Variants in PTPN11 observed in about 807,000 individuals in gnomAD.
The protein encoded by PTPN11 is protein tyrosine phosphatase non-receptor type 11, also known as tyrosine-protein phosphatase non-receptor type 11.
PTPN11 carries 6 observed loss-of-function variants against 78.8 expected under a neutral mutation model. That is an observed-to-expected ratio of 0.08 (90% confidence interval 0.04 to 0.15). The LOEUF is 0.15. PTPN11 is among the 10% of genes least tolerant of loss of function. The pLI is 1.00. For missense variants in PTPN11, 386 were observed against 744.8 expected, an observed-to-expected ratio of 0.52 and a Z score of 5.61; for synonymous variants, 221 against 263.5, an observed-to-expected ratio of 0.84 and a Z score of 1.56.
intron 1 of PTPN11, among the ~76,000 whole-genome samples, chr12:112,420,280 A>G (rs1019182355): frequency 2.0e-5 from 3 of 152,112 alleles, no homozygotes; most frequent in East Asian, 1.9e-4. Flanking sequence ...AATTATGGTC[A>G]CTGTCTCAGA....
At chr12:112,477,544 A>G (rs1373699713) in intron 7 of PTPN11, 107 bp from the exon 8 acceptor site, 7 of 868,714 alleles carry the variant, frequency 8.1e-6, no homozygotes, top group African/African-American at 1.7e-5. Flanking sequence ...TTTTTTTTCA[A>G]TCATTGAATG....
At chr12:112,488,986 G>A (rs186280715) in intron 12 of PTPN11, 38 bp from the exon 13 acceptor site, 50 of 1,611,500 alleles carry the variant, frequency 3.1e-5, no homozygotes, top group Non-Finnish European at 4.0e-5. Flanking sequence ...TCCTGGCTCT[G>A]CAGTTTCTCT....
rs373296186 is a variant in PTPN11, at chr12:112,454,514, A to T, written c.526-50A>T. On this transcript the variant is annotated intron_variant, in intron 4 of 15. Transcript: ENST00000351677. Reference sequence around the variant, plus strand: ...AACATGAGAGTGCTTGAAAACACTAATGTAACATAAAGGTAACAAATAATA... The same window carrying T: ...AACATGAGAGTGCTTGAAAACACTATTGTAACATAAAGGTAACAAATAATA... 1.8e-5 allele frequency: 24 copies of T among 1,364,132 alleles called. No individual in the cohort carries two copies. In the African/African-American group the frequency reaches 2.4e-4, roughly 14 times the overall value. 84.5% of individuals were successfully genotyped at this position (1,364,132 alleles called of 1,614,324 possible). A position where few individuals can be genotyped will look rare whatever the true frequency, so the allele number is the denominator to read the frequency against.
In PTPN11 at chr12:112,504,669, T is replaced by A; in HGVS notation, c.1713-26T>A. 1 of 1,516,532 alleles carries A rather than the reference T, an allele frequency of 6.6e-7. No individual in the cohort carries two copies. Among genetic ancestry groups the A allele is most frequent in the Non-Finnish European group, 9.1e-7 (1 of 1,094,460 alleles). 93.9% of individuals were successfully genotyped at this position (1,516,532 alleles called of 1,614,324 possible). On this transcript the variant is annotated intron_variant, in intron 14 of 15. Coordinates refer to ENST00000351677, the MANE Select transcript of PTPN11 (RefSeq NM_002834.5). This position sits in a 1 kb window ranked among gnomAD's most constrained non-coding sequence, Gnocchi z 4.7. ...ACAGCGTGGTCTACATTTTTGTAAA[T>A]GTCTTTCTTTTTCTTTTCTCTCCAG...
intron 1 of PTPN11, among the ~76,000 whole-genome samples, chr12:112,436,946 T>A (rs1486141200): frequency 1.3e-5 from 2 of 152,062 alleles, no homozygotes; most frequent in African/African-American, 4.8e-5. Context: ...TGGTAATAAA[T>A]TTTACCATTT....
At chr12:112,496,465 G>C (rs1344131121) in intron 13 of PTPN11, among the ~76,000 whole-genome samples, 1 of 152,114 alleles carries the variant, frequency 6.6e-6, no homozygotes, top group Non-Finnish European at 1.5e-5. Context: ...CCTCTCAGCA[G>C]ATAGAGCTAG....
chr12:112,474,958 C>T (rs990496446), intron 7 of PTPN11, among the ~76,000 whole-genome samples: 6 of 152,046 alleles, frequency 3.9e-5, no homozygotes, highest in Non-Finnish European at 7.4e-5. Flanking sequence ...CAAATGCCAC[C>T]AGGCAAAGCC....
intron 1 of PTPN11, among the ~76,000 whole-genome samples, chr12:112,421,990 A>C (rs1424056701): frequency 6.6e-6 from 1 of 152,190 alleles, no homozygotes; most frequent in African/African-American, 2.4e-5. Context: ...AGGCAGGATA[A>C]AGCAGTAAGA....
chr12:112,490,410 G>T (rs1018818798), intron 13 of PTPN11, among the ~76,000 whole-genome samples: 7 of 150,580 alleles, frequency 4.6e-5, no homozygotes, highest in Admixed American at 4.0e-4. Context: ...AGGCTTAAGC[G>T]ATCCTCCCAC....
chr12:112,455,871 G>GTTTT (rs140552217), intron 5 of PTPN11, 79 bp from the exon 6 acceptor site: 17 of 682,232 alleles, frequency 2.5e-5, no homozygotes, highest in African/African-American at 6.5e-5. Flanking sequence ...ACATAGACAT[G>GTTTT]TTTTTTTTTT....
chr12:112,502,364 G>A lies in PTPN11; in HGVS notation c.1712+108G>A, dbSNP rs572828559. The stretch of plus-strand genomic sequence containing the variant: ...AAGTTTGTAGCACATGCCTTTCACT[G>A]GTGCACGTTCCTGTTGCCCTACTGT... On this transcript the variant is annotated intron_variant, in intron 14 of 15. Transcript: ENST00000351677. 8.0e-6 allele frequency: 7 copies of A among 870,594 alleles called. No individual in the cohort carries two copies. In the African/African-American group the frequency reaches 9.9e-5, roughly 12 times the overall value. The allele number at this position is 870,594 out of a possible 1,614,324, so 53.9% of individuals were successfully genotyped here. A position where few individuals can be genotyped will look rare whatever the true frequency, so the allele number is the denominator to read the frequency against.
chr12:112,496,552 ATATT>A (rs375131465), intron 13 of PTPN11, among the ~76,000 whole-genome samples: 155 of 152,270 alleles, frequency 1.0e-3, no homozygotes, highest in African/African-American at 3.5e-3. Context: ...ATCTATATAT[ATATT>A]AAGCTAAACA....
At chr12:112,435,925 C>T (rs1020589245) in intron 1 of PTPN11, among the ~76,000 whole-genome samples, 1 of 152,102 alleles carries the variant, frequency 6.6e-6, no homozygotes, top group Non-Finnish European at 1.5e-5. Context: ...TGGCTCACAC[C>T]TGTAATCCCA....
In PTPN11 at chr12:112,491,272, G is replaced by GA. The variant is rs59219665; in HGVS notation, c.1599+2112dup. On this transcript the variant is annotated intron_variant, in intron 13 of 15. Transcript: ENST00000351677. ...TTTGTTAACTTCCAACTACAGTAGT[G>GA]AAAAAAAAAAAAAAACCCTCAAATT... Among the ~76,000 whole-genome samples the GA allele has an allele frequency of 0.055, 6,548 of 118,472 alleles. 1,152 individuals carry two copies. The East Asian group carries it at 0.63, about 11-fold the overall frequency. 77.7% of individuals were successfully genotyped at this position (118,472 alleles called of 152,430 possible).
intron 1 of PTPN11, among the ~76,000 whole-genome samples, chr12:112,424,891 A>G (rs7955111): frequency 0.031 from 2,472 of 79,586 alleles, 116 homozygotes; most frequent in Admixed American, 0.11. Flanking sequence ...GTGTGTGTGT[A>G]TGTGTGTGTG....
At chr12:112,478,061 C>T (rs766112484) in intron 9 of PTPN11, 46 bp downstream of exon 9, 1 of 1,598,648 alleles carries the variant, frequency 6.3e-7, no homozygotes, top group Non-Finnish European at 8.6e-7. Flanking sequence ...TTTAAAGTAT[C>T]AGACATGTCA....
chr12:112,451,580 C>G (rs1461685677), intron 3 of PTPN11, among the ~76,000 whole-genome samples: 1 of 152,180 alleles, frequency 6.6e-6, no homozygotes, highest in African/African-American at 2.4e-5. Context: ...TCCTGGGCCT[C>G]ATTCAGACTT....
At chr12:112,481,943 A>G (rs1012493024) in intron 9 of PTPN11, 131 bp from the exon 10 acceptor site, 72 of 970,646 alleles carry the variant, frequency 7.4e-5, no homozygotes, top group Admixed American at 4.6e-4. Context: ...CTGAAAACCT[A>G]ACAGATGCGA....
chr12:112,435,621 C>A (rs2037776265), intron 1 of PTPN11, among the ~76,000 whole-genome samples: 1 of 146,418 alleles, frequency 6.8e-6, no homozygotes, highest in African/African-American at 2.5e-5. Context: ...ATTTTCCCTT[C>A]AATAACCTGG....
Sources: allele counts gnomAD v4.1 joint callset (sites outside exome capture counted in the v4.1 genomes callset), GRCh38; gene constraint gnomAD v4.1.1; non-coding constraint Gnocchi (gnomAD v3.1); transcripts MANE v1.5; gene names NCBI Gene and HGNC (gene_info 2026-07-23, HGNC 2026-07-21).